Variants in CHN1 observed in about 807,000 individuals in gnomAD.
CHN1 encodes chimerin 1.
A neutral mutation model predicts 59.5 loss-of-function variants in CHN1; 37 were observed. The observed-to-expected ratio is 0.62, with a 90% CI of 0.48 to 0.82. The LOEUF (loss-of-function observed/expected upper bound fraction) is 0.82, where lower values mean the gene tolerates loss of function less well. CHN1 is among the 40% of genes least tolerant of loss of function. The pLI is 0.00. For missense variants in CHN1, 469 were observed against 571.0 expected (o/e 0.82, Z 1.82); for synonymous variants, 206 against 200.4 (o/e 1.03, Z -0.24).
chr2:174,809,577 C>A (rs1478894947), intron 10 of CHN1, among the ~76,000 whole-genome samples: 1 of 152,214 alleles, frequency 6.6e-6, no homozygotes, highest in Non-Finnish European at 1.5e-5. Flanking sequence ...TGTTATTAAA[C>A]TGGTTCTTTT....
chr2:174,811,406 A>G, intron 10 of CHN1, 105 bp downstream of exon 10: 1 of 696,490 alleles, frequency 1.4e-6, no homozygotes, highest in Non-Finnish European at 2.4e-6. Context: ...TATAATAATC[A>G]TCAATGATTT....
chr2:174,939,086 G>T (rs1418130549), intron 3 of CHN1, among the ~76,000 whole-genome samples: 2 of 152,070 alleles, frequency 1.3e-5, no homozygotes, highest in African/African-American at 2.4e-5. Context: ...CCAAAGGAGA[G>T]AATACAAATA....
chr2:174,902,279 A>T (rs1223722671), intron 5 of CHN1, among the ~76,000 whole-genome samples: 4 of 152,310 alleles, frequency 2.6e-5, no homozygotes, highest in South Asian at 2.1e-4. Context: ...GCCTTATGTT[A>T]AACTAGCCAT....
At chr2:174,856,709 TTTCTAA>T (rs1329818278) in intron 6 of CHN1, among the ~76,000 whole-genome samples, 2 of 152,150 alleles carry the variant, frequency 1.3e-5, no homozygotes, top group African/African-American at 4.8e-5. Flanking sequence ...CCACTTAGCT[TTTCTAA>T]GTCTCAGGCC....
intron 2 of CHN1, among the ~76,000 whole-genome samples, chr2:174,948,282 C>A (rs1215810158): frequency 6.6e-6 from 1 of 152,070 alleles, no homozygotes; most frequent in Non-Finnish European, 1.5e-5. Context: ...CAATAATGAA[C>A]CCAGAGTCTA....
intron 1 of CHN1, among the ~76,000 whole-genome samples, 176 bp downstream of exon 1, chr2:175,004,718 T>C (rs1203525030): frequency 6.6e-6 from 1 of 151,492 alleles, no homozygotes; most frequent in Non-Finnish European, 1.5e-5. Flanking sequence ...GAGGAAACAA[T>C]GGGAGAGGCG....
chr2:175,000,067 C>T (rs1373777726), intron 1 of CHN1, among the ~76,000 whole-genome samples: 1 of 151,926 alleles, frequency 6.6e-6, no homozygotes, highest in Non-Finnish European at 1.5e-5. Context: ...TACCAGCTCT[C>T]CACACATTAA....
At chr2:174,947,528 AG>A (rs1689882135) in intron 2 of CHN1, among the ~76,000 whole-genome samples, 1 of 146,106 alleles carries the variant, frequency 6.8e-6, no homozygotes, top group African/African-American at 2.6e-5. Flanking sequence ...TTGGTCACCC[AG>A]GCTGGAGTGC....
At chr2:174,840,075 T>C (rs1686235773) in intron 7 of CHN1, among the ~76,000 whole-genome samples, 1 of 152,074 alleles carries the variant, frequency 6.6e-6, no homozygotes, top group South Asian at 2.1e-4. Context: ...ATATGAAATA[T>C]TGAACCATGA....
At position 174,888,445 on chromosome 2, in the gene CHN1, T is replaced by C. The variant is rs530625553; in HGVS notation, c.261-10317A>G. The stretch of plus-strand genomic sequence containing the variant: ...GCCTGGGGATAACATGAAGCATTCA[T>C]AGATCTGTTCTACTATACTCAAGGA... On this transcript the variant is annotated intron_variant, in intron 5 of 12. Transcript: ENST00000409900. 3.5e-4 allele frequency among the ~76,000 whole-genome samples: 53 copies of C among 152,300 alleles called. 1 individual carries two copies. The highest frequency in any genetic ancestry group is 3.1e-3 in the South Asian group (15 of 4,826).
intron 1 of CHN1, among the ~76,000 whole-genome samples, chr2:174,977,818 A>T (rs1240871802): frequency 6.6e-6 from 1 of 152,232 alleles, no homozygotes; most frequent in African/African-American, 2.4e-5. Context: ...CTCCAATGGT[A>T]GTGGGTTATC....
chr2:174,828,279 A>C (rs1685759469), intron 7 of CHN1, among the ~76,000 whole-genome samples: 1 of 152,200 alleles, frequency 6.6e-6, no homozygotes, highest in South Asian at 2.1e-4. Context: ...CTTGAAAGCA[A>C]GTTTCCTTTT....
At chr2:174,943,876 T>C (rs1689746899) in intron 3 of CHN1, among the ~76,000 whole-genome samples, 1 of 152,206 alleles carries the variant, frequency 6.6e-6, no homozygotes, top group African/African-American at 2.4e-5. Flanking sequence ...CAGGCTGGTC[T>C]TGAACTCCTG....
At chr2:174,855,542 T>C (rs1686874035) in intron 6 of CHN1, among the ~76,000 whole-genome samples, 1 of 152,202 alleles carries the variant, frequency 6.6e-6, no homozygotes, top group Non-Finnish European at 1.5e-5. Flanking sequence ...TTATTCTTAC[T>C]TGCATACCCT....
intron 5 of CHN1, among the ~76,000 whole-genome samples, chr2:174,910,183 T>C (rs1688649891): frequency 6.6e-6 from 1 of 152,234 alleles, no homozygotes; most frequent in Non-Finnish European, 1.5e-5. Flanking sequence ...ATGTTTCTTT[T>C]TCCAGTTTTC....
At chr2:174,892,284 T>A (rs1329425729) in intron 5 of CHN1, among the ~76,000 whole-genome samples, 2 of 152,268 alleles carry the variant, frequency 1.3e-5, no homozygotes, top group Non-Finnish European at 2.9e-5. Context: ...TAATCTCCAA[T>A]GCAGTGGTAT....
At chr2:174,987,982 C>A (rs116448683) in intron 1 of CHN1, among the ~76,000 whole-genome samples, 1,539 of 152,066 alleles carry the variant, frequency 0.01, 30 homozygotes, top group African/African-American at 0.035. Flanking sequence ...CCAAAAAAAA[C>A]CCTCCAAAAT....
intron 5 of CHN1, among the ~76,000 whole-genome samples, chr2:174,895,306 T>C (rs1688187001): frequency 6.6e-6 from 1 of 151,614 alleles, no homozygotes; most frequent in Non-Finnish European, 1.5e-5. Context: ...GGATGAACCG[T>C]GAGGACATTA....
chr2:174,850,140 A>G (rs1305513785), intron 6 of CHN1, among the ~76,000 whole-genome samples: 1 of 152,188 alleles, frequency 6.6e-6, no homozygotes, highest in Non-Finnish European at 1.5e-5. Context: ...ACCAATTAGA[A>G]GTGATATCAT....
Sources: gnomAD v4.1 joint callset for allele counts (sites outside exome capture counted in the v4.1 genomes callset) on GRCh38, gnomAD v4.1.1 for gene constraint, MANE v1.5 for transcripts, NCBI Gene and HGNC (gene_info 2026-07-23, HGNC 2026-07-21) for gene names.